FUT8: variants seen among roughly 807,000 people sequenced by gnomAD.
The protein encoded by FUT8 is alpha-(1,6)-fucosyltransferase.
Under a neutral mutation model 71.3 loss-of-function variants are expected in FUT8, and 29 were observed. That is an observed-to-expected ratio of 0.41 (90% CI 0.30 to 0.55). The LOEUF (loss-of-function observed/expected upper bound fraction) is 0.55, where lower values mean the gene tolerates loss of function less well. Ranked by LOEUF, FUT8 falls within the 20% of genes least tolerant of loss-of-function variation. FUT8 has a pLI of 0.34. For missense variants in FUT8, 544 were observed against 702.1 expected (o/e 0.77, Z 2.55); for synonymous variants, 254 against 239.3 (o/e 1.06, Z -0.57).
rs778234367 is a variant in FUT8 at position 65,650,140 on chromosome 14, CAAA to C, written c.598-19096_598-19094del. 6.0e-4 allele frequency among the ~76,000 whole-genome samples: 90 copies of C among 149,904 alleles called. 1 individual carries two copies. The highest frequency in any genetic ancestry group is 1.1e-3 in the Non-Finnish European group (77 of 67,210). ...TGAAACCCCGTCTCTACTAAAAATA[CAAA>C]AAAAAATTAGCCGGGCGTGGTGGCA... On this transcript the variant is annotated intron_variant, in intron 6 of 10. Coordinates refer to ENST00000673929, the MANE Select transcript of FUT8 (RefSeq NM_001371533.1).
At chr14:65,641,765 T>G (rs201106053) in intron 6 of FUT8, among the ~76,000 whole-genome samples, 2 of 142,414 alleles carry the variant, frequency 1.4e-5, no homozygotes, top group African/African-American at 5.1e-5. Flanking sequence ...TTTTTTTTTT[T>G]CATTTTCCTG....
chr14:65,592,355 A>G (rs971472200), intron 3 of FUT8, among the ~76,000 whole-genome samples: 14 of 151,906 alleles, frequency 9.2e-5, no homozygotes, highest in African/African-American at 3.4e-4. Context: ...TCATTCAAGC[A>G]TAAGTGGCTT....
At chr14:65,522,377 A>G (rs1254610663) in intron 2 of FUT8, among the ~76,000 whole-genome samples, 3 of 152,044 alleles carry the variant, frequency 2.0e-5, no homozygotes, top group African/African-American at 7.2e-5. Context: ...AAAGGGATTT[A>G]TGATGAAGAG....
chr14:65,399,873 C>G, the FUT8 span, among the ~76,000 whole-genome samples: 2 of 152,170 alleles, frequency 1.3e-5, no homozygotes, highest in South Asian at 2.1e-4. Flanking sequence ...CATGTAAAGA[C>G]AAAACTTCTT....
intron 7 of FUT8, among the ~76,000 whole-genome samples, chr14:65,693,443 CCGAGACGG>C (rs749817455): frequency 2.6e-5 from 4 of 152,198 alleles, no homozygotes; most frequent in Admixed American, 6.5e-5. Flanking sequence ...TTGCAGTGAG[CCGAGACGG>C]CGAGATGGCA....
Position 65,531,963 on chromosome 14 carries a change from A to ATGAC in FUT8, c.-227-29371_-227-29368dup, listed in dbSNP as rs759633703. Among the ~76,000 whole-genome samples, 30 of 151,950 alleles carry ATGAC rather than the reference A, an allele frequency of 2.0e-4. No homozygotes were observed. The Middle Eastern group carries it at 0.01, about 52-fold the overall frequency. The stretch of plus-strand genomic sequence containing the variant: ...AAAGTACATGATCTCATTTTTTTTT[A>ATGAC]TGACTGCATAGTGTTCTGTTGTGTA... On this transcript the variant is annotated intron_variant, in intron 2 of 10. Transcript: ENST00000673929.
At chr14:65,382,461 G>A in the FUT8 span, among the ~76,000 whole-genome samples, 6 of 152,038 alleles carry the variant, frequency 3.9e-5, no homozygotes, top group African/African-American at 9.7e-5. Flanking sequence ...CTCAGCCTCC[G>A]AGTAGCTGGG....
chr14:65,498,749 C>T (rs933416513), intron 2 of FUT8, among the ~76,000 whole-genome samples: 23 of 152,000 alleles, frequency 1.5e-4, no homozygotes, highest in Admixed American at 5.2e-4. Flanking sequence ...ACAAGTTTTC[C>T]TCAATATTTT....
At chr14:65,370,537 C>T in the FUT8 span, among the ~76,000 whole-genome samples, 1 of 149,598 alleles carries the variant, frequency 6.7e-6, no homozygotes, top group Non-Finnish European at 1.5e-5. Context: ...ACACATTGGC[C>T]CATTTAATCA....
upstream of FUT8, among the ~76,000 whole-genome samples, chr14:65,407,380 ACT>A (rs1432935306): frequency 6.6e-6 from 1 of 152,052 alleles, no homozygotes; most frequent in Non-Finnish European, 1.5e-5. Flanking sequence ...GAATCAAATT[ACT>A]CTCTCTCCTT....
In FUT8 at chr14:65,413,812, T is replaced by G. The variant is rs2065178769; in HGVS notation, c.-326+598T>G. 6.6e-6 allele frequency among the ~76,000 whole-genome samples: 1 copy of G among 152,158 alleles called. No homozygotes were observed. The highest frequency in any genetic ancestry group is 1.5e-5 in the Non-Finnish European group (1 of 68,018). On this transcript the variant is annotated intron_variant, in intron 1 of 10. Transcript: ENST00000673929. This position sits in a 1 kb window ranked among gnomAD's most constrained non-coding sequence, Gnocchi z 4.1. ...CTGGCGGCTTTTGAGTATCAACTTA[T>G]TTGGGAAGGTTAAATGAGTCCATAT...
the FUT8 span, among the ~76,000 whole-genome samples, chr14:65,357,843 T>C: frequency 6.6e-6 from 1 of 152,250 alleles, no homozygotes; most frequent in South Asian, 2.1e-4. Context: ...CTGGTGGTAA[T>C]GGTGGTTTGA....
chr14:65,537,902 T>C (rs1227572903), intron 2 of FUT8, among the ~76,000 whole-genome samples: 3 of 152,186 alleles, frequency 2.0e-5, no homozygotes, highest in African/African-American at 4.8e-5. Context: ...TGATAGGTGG[T>C]GCCAGCCAAA....
At chr14:65,362,720 T>A in the FUT8 span, among the ~76,000 whole-genome samples, 35 of 151,634 alleles carry the variant, frequency 2.3e-4, 2 homozygotes, top group South Asian at 5.4e-3. Context: ...CCCAGCACTT[T>A]GGGAGGCTGA....
At chr14:65,535,202 C>T (rs1022239276) in intron 2 of FUT8, among the ~76,000 whole-genome samples, 19 of 151,994 alleles carry the variant, frequency 1.3e-4, no homozygotes, top group South Asian at 2.1e-4. Context: ...CAGGTTCAAG[C>T]GATTCTCATG....
Position 65,522,262 on chromosome 14 carries a change from T to G in FUT8, c.-227-39075T>G, listed in dbSNP as rs888404111. 9.8e-5 allele frequency among the ~76,000 whole-genome samples: 15 copies of G among 152,356 alleles called. No homozygotes were observed. The East Asian group carries it at 2.9e-3, about 29-fold the overall frequency. ...CTTTTGGTGCCCTGGTTTTCTTGTCTGTTAGACAGATATTGTTATTCTCAT... is the reference window on the plus strand; with the variant it reads ...CTTTTGGTGCCCTGGTTTTCTTGTCGGTTAGACAGATATTGTTATTCTCAT... On this transcript the variant is annotated intron_variant, in intron 2 of 10. Transcript: ENST00000673929.
chr14:65,501,924 T>G (rs1223182948), intron 2 of FUT8, among the ~76,000 whole-genome samples: 2 of 151,812 alleles, frequency 1.3e-5, no homozygotes, highest in Non-Finnish European at 2.9e-5. Flanking sequence ...TTCTTTTTTT[T>G]TTTTGAGACA....
chr14:65,471,136 C>A, intron 2 of FUT8: 1 of 430,508 alleles, frequency 2.3e-6, no homozygotes, highest in Non-Finnish European at 4.7e-6. Context: ...TTCTATAGTC[C>A]TGTAATTAGA....
chr14:65,448,852 G>A (rs765441855), intron 1 of FUT8, among the ~76,000 whole-genome samples: 1 of 152,128 alleles, frequency 6.6e-6, no homozygotes, highest in African/African-American at 2.4e-5. Flanking sequence ...GACTGTAATA[G>A]ATACTGATAC....
Sources: allele counts gnomAD v4.1 joint callset (sites outside exome capture counted in the v4.1 genomes callset), GRCh38; gene constraint gnomAD v4.1.1; non-coding constraint Gnocchi (gnomAD v3.1); transcripts MANE v1.5; gene names NCBI Gene and HGNC (gene_info 2026-07-23, HGNC 2026-07-21).